Variants in RORA observed in about 807,000 individuals in gnomAD.
RORA encodes nuclear receptor ROR-alpha.
RORA carries 7 observed loss-of-function variants against 69.5 expected under a neutral mutation model. The observed-to-expected ratio is 0.10, with a 90% confidence interval of 0.06 to 0.19. The LOEUF is 0.19. RORA is among the 10% of genes least tolerant of loss of function. RORA has a pLI of 1.00. For synonymous variants in RORA, 261 were observed against 240.8 expected, an observed-to-expected ratio of 1.08 and a Z score of -0.78; for missense variants, 457 against 663.0, an observed-to-expected ratio of 0.69 and a Z score of 3.41.
chr15:60,807,513 C>A (rs1383827716), intron 1 of RORA, among the ~76,000 whole-genome samples: 2 of 152,050 alleles, frequency 1.3e-5, no homozygotes, highest in African/African-American at 2.4e-5. Flanking sequence ...AAGCAAGCTA[C>A]AAATTCAATG....
intron 1 of RORA, among the ~76,000 whole-genome samples, chr15:61,227,447 G>A (rs778586734): frequency 2.0e-4 from 31 of 151,660 alleles, no homozygotes; most frequent in Non-Finnish European, 4.6e-4. Context: ...CGCTGAAACC[G>A]CGGTTCGCCG....
chr15:60,968,268 A>C (rs1893614116), intron 1 of RORA, among the ~76,000 whole-genome samples: 1 of 152,178 alleles, frequency 6.6e-6, no homozygotes, highest in Non-Finnish European at 1.5e-5. Context: ...CTTGGGAGCA[A>C]ATATGGACAG....
rs181539768 is a variant in RORA, at chr15:60,501,209, C to A, written c.1184-140G>T. ...AAACATGGGGAAGGTGAAGAGAGAT[C>A]TAGTGGTTGAAGATCAGAAGGAATA... is the stretch of plus-strand genomic sequence containing the variant. On this transcript the variant is annotated intron_variant, in intron 8 of 10. Transcript: ENST00000335670. 1.2e-4 allele frequency: 75 copies of A among 616,136 alleles called. 2 individuals carry two copies. The Admixed American group carries it at 2.2e-3, about 18-fold the overall frequency. The allele number at this position is 616,136 out of a possible 1,614,324, so 38.2% of individuals were successfully genotyped here. A position where few individuals can be genotyped will look rare whatever the true frequency, so the allele number is the denominator to read the frequency against.
At chr15:60,694,348 G>T (rs1256810724) in intron 1 of RORA, among the ~76,000 whole-genome samples, 1 of 152,278 alleles carries the variant, frequency 6.6e-6, no homozygotes, top group African/African-American at 2.4e-5. Context: ...AAAAGTCAAA[G>T]GTACCCGGCA....
At chr15:61,216,171 A>G (rs1056321199) in intron 1 of RORA, among the ~76,000 whole-genome samples, 1 of 152,168 alleles carries the variant, frequency 6.6e-6, no homozygotes, top group Non-Finnish European at 1.5e-5. Flanking sequence ...AAAGACCCTA[A>G]GCAAGTTTAA....
intron 1 of RORA, among the ~76,000 whole-genome samples, chr15:61,219,348 G>A (rs1034495739): frequency 1.3e-5 from 2 of 152,226 alleles, no homozygotes; most frequent in East Asian, 3.9e-4. Context: ...GCCAAGGCGG[G>A]AGGATCACGA....
chr15:61,096,476 T>C (rs569641374), intron 1 of RORA, among the ~76,000 whole-genome samples: 1 of 152,364 alleles, frequency 6.6e-6, no homozygotes, highest in South Asian at 2.1e-4. Context: ...CACTGGAAGC[T>C]ATTTTAGACA....
chr15:60,519,549 A>G (rs1056924812), intron 3 of RORA, among the ~76,000 whole-genome samples: 3 of 152,218 alleles, frequency 2.0e-5, no homozygotes, highest in Non-Finnish European at 2.9e-5. Flanking sequence ...TGGGGCAACC[A>G]TTAAATTAGG....
At chr15:60,869,057 C>G (rs75552894) in intron 1 of RORA, among the ~76,000 whole-genome samples, 1,688 of 152,248 alleles carry the variant, frequency 0.011, 11 homozygotes, top group Non-Finnish European at 0.019. Flanking sequence ...AGGCACCCCC[C>G]CATTATTTTA....
At chr15:61,174,832 A>G (rs1247076647) in intron 1 of RORA, among the ~76,000 whole-genome samples, 1 of 152,190 alleles carries the variant, frequency 6.6e-6, no homozygotes, top group Non-Finnish European at 1.5e-5. Context: ...CTCCATTCTT[A>G]TGCATATCTG....
chr15:60,537,766 A>G lies in RORA; in HGVS notation c.197-5915T>C, dbSNP rs2066724210. ...TATAACACTAATATGTTTCCCTAGT[A>G]CATTATTTTCTTCTCTTGATTTTGG... On this transcript the variant is annotated intron_variant, in intron 2 of 10. Coordinates refer to ENST00000335670, the MANE Select transcript of RORA (RefSeq NM_134261.3). The surrounding 1 kb of genome is among the most constrained non-coding windows in gnomAD (Gnocchi z 4.9). 6.6e-6 allele frequency among the ~76,000 whole-genome samples: 1 copy of G among 152,224 alleles called. No individual in the cohort carries two copies. Among genetic ancestry groups the G allele is most frequent in the African/African-American group, 2.4e-5 (1 of 41,462 alleles).
chr15:61,194,719 T>C (rs1323181056), intron 1 of RORA, among the ~76,000 whole-genome samples: 1 of 152,136 alleles, frequency 6.6e-6, no homozygotes, highest in Non-Finnish European at 1.5e-5. Context: ...TGAACCTTAT[T>C]TCATCATGGC....
intron 2 of RORA, among the ~76,000 whole-genome samples, chr15:60,611,783 T>C (rs573842309): frequency 1.3e-5 from 2 of 152,234 alleles, no homozygotes; most frequent in East Asian, 3.9e-4. Flanking sequence ...CACTCAAAGA[T>C]ATTACTGATG....
In RORA at chr15:60,489,016, G is replaced by A. The variant is rs1316371653; in HGVS notation, c.*8439C>T. 1 of 151,702 alleles carries A rather than the reference G, an allele frequency of 6.6e-6. No homozygotes were observed. Among genetic ancestry groups the A allele is most frequent in the Non-Finnish European group, 1.5e-5 (1 of 67,864 alleles). 9.4% of individuals were successfully genotyped at this position (151,702 alleles called of 1,614,324 possible). ...GCACACTTGTTATCATTTAACAATT[G>A]TCAAATGCTGACATGTGCTAGCCAT... On this transcript the variant is annotated 3_prime_UTR_variant, in exon 11 of 11. Transcript: ENST00000335670.
At chr15:61,020,623 A>G (rs1188008842) in intron 1 of RORA, among the ~76,000 whole-genome samples, 1 of 152,236 alleles carries the variant, frequency 6.6e-6, no homozygotes, top group Non-Finnish European at 1.5e-5. Context: ...TGATCAAAGA[A>G]TATCAACAAA....
At chr15:61,058,343 GTGAA>G (rs1327255192) in intron 1 of RORA, among the ~76,000 whole-genome samples, 2 of 152,164 alleles carry the variant, frequency 1.3e-5, no homozygotes, top group Non-Finnish European at 2.9e-5. Flanking sequence ...CATTGGATGA[GTGAA>G]TGTGCAGGCG....
At chr15:61,193,999 A>G (rs988577203) in intron 1 of RORA, 7 of 152,188 alleles carry the variant, frequency 4.6e-5, no homozygotes, top group East Asian at 1.9e-4. Flanking sequence ...GCTTTTACCA[A>G]TGGCACCTCT....
At chr15:60,610,766 G>A (rs1192741106) in intron 2 of RORA, among the ~76,000 whole-genome samples, 3 of 152,088 alleles carry the variant, frequency 2.0e-5, no homozygotes, top group Non-Finnish European at 4.4e-5. Flanking sequence ...AAAACCAAAA[G>A]GATCAGAGAG....
intron 1 of RORA, among the ~76,000 whole-genome samples, chr15:60,716,130 ACTT>A (rs2071215595): frequency 6.6e-6 from 1 of 152,208 alleles, no homozygotes; most frequent in African/African-American, 2.4e-5. Flanking sequence ...GAGATTCTAC[ACTT>A]CTTATAGTTG....
Sources: allele counts gnomAD v4.1 joint callset (sites outside exome capture counted in the v4.1 genomes callset), GRCh38; gene constraint gnomAD v4.1.1; non-coding constraint Gnocchi (gnomAD v3.1); transcripts MANE v1.5; gene names NCBI Gene and HGNC (gene_info 2026-07-23, HGNC 2026-07-21).